ARB2A: variants seen among roughly 807,000 people sequenced by gnomAD.
ARB2A encodes the protein ARB2 cotranscriptional regulator A, also known as cotranscriptional regulator ARB2A.
the ARB2A span, among the ~76,000 whole-genome samples, chr5:93,643,132 G>A: frequency 6.6e-6 from 1 of 152,154 alleles, no homozygotes; most frequent in Non-Finnish European, 1.5e-5. Context: ...TGTCCAAAAA[G>A]TATTGTGTAA....
the ARB2A span, among the ~76,000 whole-genome samples, chr5:93,979,485 C>T: frequency 3.9e-5 from 6 of 151,922 alleles, no homozygotes; most frequent in Non-Finnish European, 8.8e-5. Context: ...GAAAATTTAT[C>T]ACTAATATTG....
At chr5:93,720,627 T>C in the ARB2A span, among the ~76,000 whole-genome samples, 15 of 152,218 alleles carry the variant, frequency 9.9e-5, no homozygotes, top group Admixed American at 7.9e-4. Context: ...ACTAGCTCTA[T>C]AGTTTTCCAA....
chr5:94,054,836 T>C, the ARB2A span, among the ~76,000 whole-genome samples: 2 of 152,228 alleles, frequency 1.3e-5, no homozygotes, highest in African/African-American at 2.4e-5. Context: ...TGGACACTTA[T>C]TGTATACTTT....
chr5:93,652,377 A>G, the ARB2A span, among the ~76,000 whole-genome samples: 20 of 152,286 alleles, frequency 1.3e-4, no homozygotes, highest in African/African-American at 4.6e-4. Flanking sequence ...ATTTTGACTA[A>G]GTAAAATAAA....
chr5:93,621,276 G>T, the ARB2A span: 1 of 632,820 alleles, frequency 1.6e-6, no homozygotes, highest in Non-Finnish European at 2.1e-6. Context: ...TCAGCCGCCC[G>T]CGCCCCGCCC....
At chr5:94,038,707 A>G in the ARB2A span, among the ~76,000 whole-genome samples, 2 of 152,068 alleles carry the variant, frequency 1.3e-5, no homozygotes, top group African/African-American at 4.8e-5. Context: ...TGCTATAATA[A>G]TCTCCTTAAG....
the ARB2A span, among the ~76,000 whole-genome samples, chr5:93,973,677 AC>A: frequency 2.6e-5 from 4 of 152,186 alleles, no homozygotes; most frequent in Non-Finnish European, 5.9e-5. Flanking sequence ...GAATCACATC[AC>A]CAATAAAAGA....
the ARB2A span, among the ~76,000 whole-genome samples, chr5:93,816,605 C>G: frequency 6.6e-6 from 1 of 152,136 alleles, no homozygotes; most frequent in East Asian, 1.9e-4. Context: ...AGCTCATCTA[C>G]TATGTGGACA....
chr5:93,986,094 G>A, the ARB2A span, among the ~76,000 whole-genome samples: 13,228 of 142,618 alleles, frequency 0.093, 750 homozygotes, highest in Middle Eastern at 0.16. Context: ...GGTGAGGAGC[G>A]TCTCTACCCT....
chr5:93,762,572 T>C, the ARB2A span, among the ~76,000 whole-genome samples: 1 of 152,228 alleles, frequency 6.6e-6, no homozygotes. Flanking sequence ...AATCTATGTC[T>C]GATTGGTGTA....
chr5:93,779,124 T>TGTGTGTGCGCGCGC, the ARB2A span, among the ~76,000 whole-genome samples: 1 of 146,298 alleles, frequency 6.8e-6, no homozygotes, highest in African/African-American at 2.6e-5. Flanking sequence ...TGTGTGTGTG[T>TGTGTGTGCGCGCGC]GCGCGCGCGC....
chr5:94,003,365 A>G, the ARB2A span, among the ~76,000 whole-genome samples: 1 of 152,326 alleles, frequency 6.6e-6, no homozygotes, highest in East Asian at 1.9e-4. Flanking sequence ...AAAATAAGAT[A>G]ACAAAAGGAA....
the ARB2A span, among the ~76,000 whole-genome samples, chr5:93,932,735 T>C: frequency 5.3e-5 from 8 of 152,332 alleles, no homozygotes; most frequent in East Asian, 1.3e-3. Flanking sequence ...CAAGCTTTTA[T>C]TCAACAACAA....
At chr5:93,939,166 AT>A in the ARB2A span, among the ~76,000 whole-genome samples, 11 of 151,706 alleles carry the variant, frequency 7.3e-5, no homozygotes, top group African/African-American at 1.9e-4. Context: ...CTTTCAAATA[AT>A]TTTTTTTTAA....
At chr5:93,896,197 C>A in the ARB2A span, among the ~76,000 whole-genome samples, 48 of 152,020 alleles carry the variant, frequency 3.2e-4, no homozygotes, top group African/African-American at 1.1e-3. Flanking sequence ...ATAAAAAATC[C>A]ATTGTCATAA....
the ARB2A span, among the ~76,000 whole-genome samples, chr5:93,765,650 C>A: frequency 2.0e-5 from 3 of 152,232 alleles, no homozygotes; most frequent in African/African-American, 7.2e-5. Context: ...AATGCCATCC[C>A]CATCAAGCTA....
At chr5:94,078,063 T>A in the ARB2A span, among the ~76,000 whole-genome samples, 11 of 152,336 alleles carry the variant, frequency 7.2e-5, no homozygotes, top group African/African-American at 2.4e-4. Flanking sequence ...TATGCACTTA[T>A]AAAATGTACA....
At chr5:93,843,213 C>T in the ARB2A span, among the ~76,000 whole-genome samples, 3 of 152,194 alleles carry the variant, frequency 2.0e-5, no homozygotes, top group African/African-American at 7.2e-5. Flanking sequence ...ATTCCAATTA[C>T]TTTTTAATCC....
At chr5:93,994,197 A>G in the ARB2A span, among the ~76,000 whole-genome samples, 1 of 152,342 alleles carries the variant, frequency 6.6e-6, no homozygotes, top group South Asian at 2.1e-4. Flanking sequence ...CCAGAATCTC[A>G]AAGAGACATC....
Sources: allele counts gnomAD v4.1 joint callset (sites outside exome capture counted in the v4.1 genomes callset), GRCh38; gene constraint gnomAD v4.1.1; transcripts MANE v1.5; gene names NCBI Gene and HGNC (gene_info 2026-07-23, HGNC 2026-07-21).